HS3ST5: variants seen among roughly 807,000 people sequenced by gnomAD.
HS3ST5 encodes heparan sulfate-glucosamine 3-sulfotransferase 5.
HS3ST5 carries 10 observed loss-of-function variants against 25.4 expected under a neutral mutation model. That is an observed-to-expected ratio of 0.39 (90% CI 0.24 to 0.67). The LOEUF (loss-of-function observed/expected upper bound fraction) is 0.67. HS3ST5 is among the 30% of genes least tolerant of loss of function. HS3ST5 has a pLI of 0.44. For missense variants in HS3ST5, 324 were observed against 420.7 expected, an observed-to-expected ratio of 0.77 and a Z score of 2.01; for synonymous variants, 170 against 162.4, an observed-to-expected ratio of 1.05 and a Z score of -0.36.
intron 3 of HS3ST5, among the ~76,000 whole-genome samples, chr6:114,149,620 A>G (rs1367403572): frequency 1.3e-5 from 2 of 151,950 alleles, no homozygotes; most frequent in Non-Finnish European, 2.9e-5. Flanking sequence ...TAGGACAAAT[A>G]CCTAATGCAT....
intron 2 of HS3ST5, among the ~76,000 whole-genome samples, chr6:114,224,776 T>C (rs1164452173): frequency 6.6e-6 from 1 of 151,634 alleles, no homozygotes; most frequent in Admixed American, 6.6e-5. Context: ...TAGTTTTACA[T>C]TGTCAGGACA....
At chr6:114,131,814 C>T (rs1030861784) in intron 3 of HS3ST5, among the ~76,000 whole-genome samples, 3 of 152,152 alleles carry the variant, frequency 2.0e-5, no homozygotes, top group Admixed American at 6.5e-5. Flanking sequence ...TAGTAACATT[C>T]ATTATCAGTG....
chr6:114,222,689 C>A (rs1012009117), intron 2 of HS3ST5, among the ~76,000 whole-genome samples: 1 of 151,754 alleles, frequency 6.6e-6, no homozygotes, highest in South Asian at 2.1e-4. Context: ...AATGGAAGAA[C>A]AAAGTGAGTT....
chr6:114,301,905 A>G (rs1018048122), intron 1 of HS3ST5, among the ~76,000 whole-genome samples: 1 of 152,164 alleles, frequency 6.6e-6, no homozygotes, highest in Non-Finnish European at 1.5e-5. Context: ...TTTTAAGAAG[A>G]AAAAATAGCC....
rs148158411 is a variant in HS3ST5, at chr6:114,305,918, G to A, written c.-339+36277C>T. Among the ~76,000 whole-genome samples the A allele has an allele frequency of 1.5e-3, 232 of 152,148 alleles. 2 individuals are homozygous for A. The highest frequency in any genetic ancestry group is 5.4e-3 in the African/African-American group (223 of 41,540). ...GGGTCCATGGACCACAATTTGAGAA[G>A]CAGGATTGACATAATACACTGGACT... On this transcript the variant is annotated intron_variant, in intron 1 of 4. Coordinates refer to ENST00000312719, the MANE Select transcript of HS3ST5 (RefSeq NM_153612.4).
rs777960917 is a variant in HS3ST5 at position 114,243,550 on chromosome 6, C to A, written c.-338-14772G>T. 2.1e-4 allele frequency among the ~76,000 whole-genome samples: 32 copies of A among 152,162 alleles called. 1 individual carries two copies. The highest frequency in any genetic ancestry group is 3.2e-4 in the Non-Finnish European group (22 of 68,020). ...AGGACTTAAGTGGAATTGAATAGCA[C>A]AGCACAGTTCTTAATTTTCCAAGCA... On this transcript the variant is annotated intron_variant, in intron 1 of 4. Coordinates refer to ENST00000312719, the MANE Select transcript of HS3ST5 (RefSeq NM_153612.4).
At chr6:114,136,976 G>T (rs1246705411) in intron 3 of HS3ST5, among the ~76,000 whole-genome samples, 1 of 152,006 alleles carries the variant, frequency 6.6e-6, no homozygotes, top group African/African-American at 2.4e-5. Flanking sequence ...ATCATTTTTT[G>T]ATATTTTGCC....
intron 2 of HS3ST5, among the ~76,000 whole-genome samples, chr6:114,225,270 C>T (rs1337622330): frequency 2.0e-5 from 3 of 151,838 alleles, no homozygotes; most frequent in South Asian, 2.1e-4. Context: ...AGTAACAAGG[C>T]ATTGAAGGAA....
intron 3 of HS3ST5, among the ~76,000 whole-genome samples, chr6:114,097,551 C>G (rs1775498623): frequency 6.6e-6 from 1 of 151,722 alleles, no homozygotes; most frequent in Non-Finnish European, 1.5e-5. Context: ...TTGCATATTT[C>G]TTATATTTTT....
intron 3 of HS3ST5, chr6:114,131,950 T>C (rs1777357866): frequency 6.6e-6 from 1 of 152,214 alleles, no homozygotes; most frequent in Admixed American, 6.5e-5. Flanking sequence ...TATCATTTAA[T>C]ATGTTTTTCC....
chr6:114,204,840 A>G, intron 2 of HS3ST5, among the ~76,000 whole-genome samples: 1 of 152,158 alleles, frequency 6.6e-6, no homozygotes, highest in Middle Eastern at 3.2e-3. Flanking sequence ...TTAAACATTT[A>G]ACTAAAATAT....
intron 3 of HS3ST5, among the ~76,000 whole-genome samples, chr6:114,111,048 C>G (rs536708870): frequency 1.8e-4 from 28 of 152,206 alleles, no homozygotes; most frequent in African/African-American, 6.3e-4. Flanking sequence ...ATATTCACCC[C>G]CAAAGTATAG....
chr6:114,092,999 A>G (rs910667700), intron 3 of HS3ST5, among the ~76,000 whole-genome samples: 52 of 152,146 alleles, frequency 3.4e-4, no homozygotes, highest in Admixed American at 3.4e-3. Flanking sequence ...CATATAGTAT[A>G]TGTAATCACA....
intron 1 of HS3ST5, chr6:114,230,184 G>T (rs1206782065): frequency 6.7e-6 from 1 of 148,174 alleles, no homozygotes; most frequent in Admixed American, 6.7e-5. Context: ...AGAATAATGG[G>T]ACAGGAGATG....
At chr6:114,191,683 T>A (rs905023189) in intron 2 of HS3ST5, among the ~76,000 whole-genome samples, 16 of 152,150 alleles carry the variant, frequency 1.1e-4, no homozygotes, top group Non-Finnish European at 2.4e-4. Flanking sequence ...TGTCCGAAGC[T>A]GGGGCTTGAC....
chr6:114,170,679 A>C (rs1228735935), intron 2 of HS3ST5, among the ~76,000 whole-genome samples: 1 of 152,162 alleles, frequency 6.6e-6, no homozygotes, highest in Non-Finnish European at 1.5e-5. Context: ...CACGTTGGGG[A>C]AATAAATTTA....
chr6:114,192,442 CCTGT>C (rs1780548018), intron 2 of HS3ST5, among the ~76,000 whole-genome samples: 1 of 152,178 alleles, frequency 6.6e-6, no homozygotes, highest in Non-Finnish European at 1.5e-5. Flanking sequence ...CAAGGCCAAA[CCTGT>C]CTATTTAAGG....
chr6:114,071,657 A>G (rs17075854), intron 3 of HS3ST5, among the ~76,000 whole-genome samples: 25,599 of 152,120 alleles, frequency 0.17, 2,452 homozygotes, highest in African/African-American at 0.27. Context: ...TCCTAAGATT[A>G]TGGCATCTGG....
chr6:114,161,521 T>TTATATATATATATACATATA (rs1778949196), intron 3 of HS3ST5, among the ~76,000 whole-genome samples: 1 of 33,538 alleles, frequency 3.0e-5, no homozygotes, highest in Non-Finnish European at 5.6e-5. Flanking sequence ...TCCTGAAGTT[T>TTATATATATATATACATATA]TATATATATA....
Sources: gnomAD v4.1 joint callset for allele counts (sites outside exome capture counted in the v4.1 genomes callset) on GRCh38, gnomAD v4.1.1 for gene constraint, MANE v1.5 for transcripts, NCBI Gene and HGNC (gene_info 2026-07-23, HGNC 2026-07-21) for gene names.